The following PCDHGA2 variants were observed in gnomAD, a reference collection of about 807,000 sequenced individuals.
PCDHGA2 encodes protocadherin gamma-A2.
A neutral mutation model predicts 59.2 loss-of-function variants in PCDHGA2; 40 were observed. The ratio of observed to expected loss-of-function variants is 0.68; its 90% CI spans 0.52 to 0.88. The LOEUF (loss-of-function observed/expected upper bound fraction) is 0.88. PCDHGA2 is among the 40% of genes least tolerant of loss of function. The pLI, the probability that PCDHGA2 is intolerant of heterozygous loss-of-function variation, is 0.00. For synonymous variants in PCDHGA2, 560 were observed against 526.0 expected (o/e 1.06, Z -0.89); for missense variants, 1,226 against 1,204.0 (o/e 1.02, Z -0.27).
intron 1 of PCDHGA2, chr5:141,423,750 TGGGGG>T: frequency 5.2e-5 from 15 of 287,416 alleles, no homozygotes; most frequent in Non-Finnish European, 6.3e-5. Context: ...GAAAACTGTT[TGGGGG>T]GGGGGTGGGG....
chr5:141,340,619 C>T lies in PCDHGA2; in HGVS notation c.1648C>T (p.Leu550=). Residue 550 remains leucine (L), a synonymous_variant, in exon 1 of 4, where the codon CTG becomes TTG. Transcript: ENST00000394576. ...ACTCAGTAGCAATGTATCATTAAGC[C>T]TGTTCGTGCTGGACCAGAACGACAA... ...PPLSSNVSLS[L]FVLDQNDNAP... The T allele has an allele frequency of 6.2e-7, 1 of 1,614,216 alleles. No individual in the cohort carries two copies. Among genetic ancestry groups the T allele is most frequent in the Non-Finnish European group, 8.5e-7 (1 of 1,180,048 alleles).
chr5:141,489,425 G>T lies in PCDHGA2; in HGVS notation c.2425-5382G>T, dbSNP rs779739693. 6.2e-7 allele frequency: 1 copy of T among 1,614,118 alleles called. No homozygotes were observed. The highest frequency in any genetic ancestry group is 8.5e-7 in the Non-Finnish European group (1 of 1,180,030). The stretch of plus-strand genomic sequence containing the variant: ...TTAAAGATGACAGATCTGTTGAGCC[G>T]GCGGCTGCAATTGGGCTCTGAGGAG... On this transcript the variant is annotated intron_variant, in intron 1 of 3. Transcript: ENST00000394576. This position sits in a 1 kb window ranked among gnomAD's most constrained non-coding sequence, Gnocchi z 4.5.
chr5:141,422,850 G>C (rs184432819), intron 1 of PCDHGA2: 30 of 1,614,086 alleles, frequency 1.9e-5, no homozygotes, highest in Middle Eastern at 1.6e-4. Flanking sequence ...GCGGGGACCC[G>C]CCCCTCAGCA....
intron 1 of PCDHGA2, among the ~76,000 whole-genome samples, chr5:141,473,706 G>C (rs1241009670): frequency 6.6e-6 from 1 of 152,186 alleles, no homozygotes; most frequent in African/African-American, 2.4e-5. Context: ...CCTCCAAGTG[G>C]TGCAATGGAA....
chr5:141,480,887 A>T (rs2099527301), intron 1 of PCDHGA2, among the ~76,000 whole-genome samples: 1 of 152,146 alleles, frequency 6.6e-6, no homozygotes. Flanking sequence ...TCTACTAAAA[A>T]TGCAAACATT....
At chr5:141,355,405 A>G (rs759129732) in intron 1 of PCDHGA2, 1 of 1,613,982 alleles carries the variant, frequency 6.2e-7, no homozygotes, top group African/African-American at 1.3e-5. Flanking sequence ...CATCGTCTCC[A>G]GAGGTAGGAC....
intron 1 of PCDHGA2, chr5:141,476,000 T>A (rs2099383773): frequency 1.6e-6 from 2 of 1,225,380 alleles, no homozygotes; most frequent in African/African-American, 1.5e-5. Flanking sequence ...ATCAACGGCA[T>A]CCAGAAAGCC....
rs1193620622 is a variant in PCDHGA2, at chr5:141,512,906, G to A, written c.*1733G>A. On this transcript the variant is annotated 3_prime_UTR_variant, in exon 4 of 4. Coordinates refer to ENST00000394576, the MANE Select transcript of PCDHGA2 (RefSeq NM_018915.4). ...CACCCTCTTCCTGTGTCTCACGCAA[G>A]TTTTATACTCTAATATTTATATGGC... 2.0e-5 allele frequency: 3 copies of A among 152,206 alleles called. No homozygotes were observed. Among genetic ancestry groups the A allele is most frequent in the African/African-American group, 7.2e-5 (3 of 41,438 alleles). The allele number at this position is 152,206 out of a possible 1,614,324, so 9.4% of individuals were successfully genotyped here.
rs1300379381 is a variant in PCDHGA2, at chr5:141,339,056, G to C, written c.85G>C (p.Gly29Arg). 1 of 1,612,114 alleles carries C rather than the reference G, an allele frequency of 6.2e-7. No individual in the cohort carries two copies. Among genetic ancestry groups the C allele is most frequent in the Non-Finnish European group, 8.5e-7 (1 of 1,178,284 alleles). The change falls in exon 1 of 4, where the codon GGG becomes CGG. Residue 29 changes from glycine (G) to arginine (R), a missense_variant. By Grantham distance (125) the Gly-to-Arg change is moderately radical. Transcript: ENST00000394576. The stretch of plus-strand genomic sequence containing the variant: ...GGCGACCCTGTGGGAGGCCAGGGCC[G>C]GGCAGATTCGCTATTCTGTGCGGGA... ...LLATLWEARA[G>R]QIRYSVREEI...
chr5:141,419,415 C>A, intron 1 of PCDHGA2: 2 of 1,613,434 alleles, frequency 1.2e-6, no homozygotes, highest in Non-Finnish European at 1.7e-6. Flanking sequence ...GCGCAGCGCG[C>A]CTTCGACCAC....
At chr5:141,392,750 G>C in intron 1 of PCDHGA2, 1 of 1,451,824 alleles carries the variant, frequency 6.9e-7, no homozygotes, top group Non-Finnish European at 9.1e-7. Flanking sequence ...GCTGCGGCAA[G>C]AAACTAAATA....
chr5:141,352,944 T>G (rs1408217217), intron 1 of PCDHGA2, among the ~76,000 whole-genome samples: 1 of 152,162 alleles, frequency 6.6e-6, no homozygotes, highest in African/African-American at 2.4e-5. Flanking sequence ...GCCAAGAGTG[T>G]GCCACTGCAC....
At chr5:141,421,878 T>C (rs1364225081) in intron 1 of PCDHGA2, 1 of 1,613,612 alleles carries the variant, frequency 6.2e-7, no homozygotes, top group African/African-American at 1.3e-5. Context: ...CAGCTTTAGA[T>C]GGAGGCGATC....
chr5:141,389,194 C>A (rs760691972), intron 1 of PCDHGA2: 15 of 1,613,922 alleles, frequency 9.3e-6, no homozygotes, highest in Non-Finnish European at 1.0e-5. Context: ...TCCAGCATCA[C>A]CCTGCACATT....
chr5:141,351,750 T>C (rs896637851), intron 1 of PCDHGA2: 2 of 1,613,678 alleles, frequency 1.2e-6, no homozygotes, highest in Non-Finnish European at 1.7e-6. Flanking sequence ...CCGCGGGAGC[T>C]GTTGTCCTAC....
intron 1 of PCDHGA2, chr5:141,395,403 A>G: frequency 2.4e-6 from 2 of 849,494 alleles, no homozygotes; most frequent in East Asian, 2.8e-5. Flanking sequence ...TCTAATAGTC[A>G]TAGGTTATTG....
intron 1 of PCDHGA2, chr5:141,374,609 A>T (rs1189289267): frequency 1.9e-6 from 3 of 1,613,652 alleles, no homozygotes; most frequent in Non-Finnish European, 2.5e-6. Context: ...CAGTGGTAAT[A>T]GTCACTTCTC....
intron 1 of PCDHGA2, chr5:141,389,844 G>C: frequency 6.2e-7 from 1 of 1,614,014 alleles, no homozygotes; most frequent in Non-Finnish European, 8.5e-7. Flanking sequence ...ACCACTCTCG[G>C]CCACTGCCAC....
In PCDHGA2 at chr5:141,404,936, G is replaced by A. The variant is rs755365273; in HGVS notation, c.2424+63541G>A. ...TCTCTCGGCCACTGTCACGCTCACA[G>A]TAGCCATAGCTGACAGCATCCCAGA... is the stretch of plus-strand genomic sequence containing the variant. On this transcript the variant is annotated intron_variant, in intron 1 of 3. Coordinates refer to ENST00000394576, the MANE Select transcript of PCDHGA2 (RefSeq NM_018915.4). 1.9e-6 allele frequency: 3 copies of A among 1,613,858 alleles called. No individual in the cohort carries two copies. The South Asian group carries it at 3.3e-5, about 18-fold the overall frequency.
Sources: gnomAD v4.1 joint callset for allele counts (sites outside exome capture counted in the v4.1 genomes callset) on GRCh38, gnomAD v4.1.1 for gene constraint, Gnocchi (gnomAD v3.1) non-coding constraint, MANE v1.5 for transcripts, NCBI Gene and HGNC (gene_info 2026-07-23, HGNC 2026-07-21) for gene names.